The following EMC2 variants were observed in gnomAD, a reference collection of about 807,000 sequenced individuals.
EMC2 encodes the protein ER membrane protein complex subunit 2, also known as TPR repeat protein 35.
In EMC2, 37 loss-of-function variants were observed where a neutral mutation model predicts 51.6. That is an observed-to-expected ratio of 0.72 (90% CI 0.55 to 0.94). The LOEUF is 0.94. Ranked by LOEUF, EMC2 falls within the 40% of genes least tolerant of loss-of-function variation. EMC2 has a pLI of 0.00. For synonymous variants in EMC2, 131 were observed against 112.4 expected (o/e 1.17, Z -1.04); for missense variants, 359 against 350.9 (o/e 1.02, Z -0.18).
chr8:108,477,504 C>A (rs1442197060), intron 9 of EMC2, among the ~76,000 whole-genome samples: 1 of 151,978 alleles, frequency 6.6e-6, no homozygotes, highest in Admixed American at 6.6e-5. Context: ...GAGAAATAAA[C>A]TTTAATATTT....
chr8:108,452,482 G>A (rs1021887534), intron 3 of EMC2, among the ~76,000 whole-genome samples: 66 of 152,208 alleles, frequency 4.3e-4, no homozygotes, highest in African/African-American at 1.3e-3. Flanking sequence ...CAGGAGAATC[G>A]CTTGAACCCA....
chr8:108,450,140 G>T lies in EMC2; in HGVS notation c.154+204G>T, dbSNP rs61058973. ...TAGTAAGCTATCAAATAGGCATTTTGTTTTAAAGCTCACAGGGCTGCCAAA... is the reference window on the plus strand; with the variant it reads ...TAGTAAGCTATCAAATAGGCATTTTTTTTTAAAGCTCACAGGGCTGCCAAA... On this transcript the variant is annotated intron_variant, in intron 2 of 10. Transcript: ENST00000220853. Among the ~76,000 whole-genome samples, 921 of 152,228 alleles carry T rather than the reference G, an allele frequency of 6.1e-3. 10 individuals carry two copies. Among genetic ancestry groups the T allele is most frequent in the African/African-American group, 0.021 (877 of 41,544 alleles).
At position 108,487,651 on chromosome 8, in the gene EMC2, TAA is replaced by T. The variant is rs1310635984; in HGVS notation, c.*1057_*1058del. Among the ~76,000 whole-genome samples, 1 of 152,010 alleles carries T rather than the reference TAA, an allele frequency of 6.6e-6. No homozygotes were observed. The highest frequency in any genetic ancestry group is 1.9e-4 in the East Asian group (1 of 5,200). ...TAAATATATTTAAATTTATTTTTACTAAAAATATACAGAGGCATCTACAGACT... is the reference window on the plus strand; with the variant it reads ...TAAATATATTTAAATTTATTTTTACTAAATATACAGAGGCATCTACAGACT... On this transcript the variant is annotated 3_prime_UTR_variant, in exon 11 of 11. Coordinates refer to ENST00000220853, the MANE Select transcript of EMC2 (RefSeq NM_014673.5).
intron 5 of EMC2, among the ~76,000 whole-genome samples, chr8:108,460,542 C>A (rs1819293784): frequency 1.3e-5 from 2 of 152,136 alleles, no homozygotes; most frequent in Non-Finnish European, 2.9e-5. Flanking sequence ...AGTCAAAACA[C>A]AATGAAAACT....
intron 5 of EMC2, among the ~76,000 whole-genome samples, chr8:108,458,599 T>C (rs1293359044): frequency 6.6e-6 from 1 of 152,092 alleles, no homozygotes; most frequent in Non-Finnish European, 1.5e-5. Flanking sequence ...TCTGTGTTGG[T>C]CCCTTTCGGC....
At chr8:108,482,671 A>G (rs1047936234) in intron 10 of EMC2, among the ~76,000 whole-genome samples, 1 of 151,976 alleles carries the variant, frequency 6.6e-6, no homozygotes, top group African/African-American at 2.4e-5. Context: ...TACACCCTCA[A>G]CCACCCAGGT....
rs1448678886 is a variant in EMC2 at position 108,488,034 on chromosome 8, C to A, written c.*1436C>A. On this transcript the variant is annotated 3_prime_UTR_variant, in exon 11 of 11. Transcript: ENST00000220853. Reference sequence around the variant, plus strand: ...ACATTTTCTGTAAAGAAAATAGTGCCTGCACGTTGTTTCACTACCTTTTCC... The same window carrying A: ...ACATTTTCTGTAAAGAAAATAGTGCATGCACGTTGTTTCACTACCTTTTCC... Among the ~76,000 whole-genome samples, 1 of 152,110 alleles carries A rather than the reference C, an allele frequency of 6.6e-6. No homozygotes were observed. Among genetic ancestry groups the A allele is most frequent in the Non-Finnish European group, 1.5e-5 (1 of 68,014 alleles).
At chr8:108,486,391 T>A in intron 10 of EMC2, 121 bp from the exon 11 acceptor site, 1 of 1,310,696 alleles carries the variant, frequency 7.6e-7, no homozygotes, top group Non-Finnish European at 1.0e-6. Flanking sequence ...AGAATATATT[T>A]GATTTCCTAC....
chr8:108,448,695 G>A (rs1197447372), intron 1 of EMC2, among the ~76,000 whole-genome samples: 6 of 152,118 alleles, frequency 3.9e-5, no homozygotes, highest in Admixed American at 2.6e-4. Context: ...TCTCGGGTAC[G>A]TCTTTATCAG....
At position 108,449,764 on chromosome 8, in the gene EMC2, G is replaced by A. The variant is rs1356178525; in HGVS notation, c.41-59G>A. 3.3e-5 allele frequency: 22 copies of A among 676,792 alleles called. 1 individual carries two copies. The South Asian group carries it at 3.3e-4, about 10-fold the overall frequency. The allele number at this position is 676,792 out of a possible 1,614,324, so 41.9% of individuals were successfully genotyped here. On this transcript the variant is annotated intron_variant, in intron 1 of 10. Transcript: ENST00000220853. ...TCTTGTCAGGTTTTTGACATCTATC[G>A]GATGTGTATGTGTGTGTCTGGGTAC...
At position 108,461,203 on chromosome 8, in the gene EMC2, A is replaced by G. The variant is rs907573369; in HGVS notation, c.363+5273A>G. 2.2e-4 allele frequency among the ~76,000 whole-genome samples: 34 copies of G among 152,244 alleles called. 1 individual carries two copies. The highest frequency in any genetic ancestry group is 2.0e-3 in the Admixed American group (31 of 15,304). Reference sequence around the variant, plus strand: ...TGCATTGTTGAAAAGTGATCACGTGACCTTTTATTTGTCTTATGCCTCTGT... The same window carrying G: ...TGCATTGTTGAAAAGTGATCACGTGGCCTTTTATTTGTCTTATGCCTCTGT... On this transcript the variant is annotated intron_variant, in intron 5 of 10. Transcript: ENST00000220853.
chr8:108,463,363 ATG>A (rs1026389783), intron 5 of EMC2, among the ~76,000 whole-genome samples: 1 of 152,018 alleles, frequency 6.6e-6, no homozygotes, highest in Non-Finnish European at 1.5e-5. Flanking sequence ...TTTATTTTTT[ATG>A]TTACTCAAGT....
At chr8:108,465,374 C>T (rs1232481469) in intron 5 of EMC2, among the ~76,000 whole-genome samples, 1 of 152,178 alleles carries the variant, frequency 6.6e-6, no homozygotes, top group African/African-American at 2.4e-5. Flanking sequence ...CCTTTATGCT[C>T]ACTCCAAAGT....
intron 1 of EMC2, 28 bp downstream of exon 1, chr8:108,443,726 A>G: frequency 1.9e-6 from 3 of 1,595,376 alleles, no homozygotes; most frequent in Non-Finnish European, 2.6e-6. Context: ...CGGGTGCGGA[A>G]AGACTAAAAG....
At chr8:108,462,201 T>C (rs1279928349) in intron 5 of EMC2, among the ~76,000 whole-genome samples, 1 of 145,642 alleles carries the variant, frequency 6.9e-6, no homozygotes, top group East Asian at 2.0e-4. Context: ...TTTGTGTGCA[T>C]GTGTGTGTGT....
At chr8:108,456,001 T>TAGAG in intron 5 of EMC2, 71 bp downstream of exon 5, 1 of 573,844 alleles carries the variant, frequency 1.7e-6, no homozygotes. Flanking sequence ...GAGGAAATAA[T>TAGAG]AGATACATAA....
At chr8:108,466,485 C>T (rs1045935724) in intron 5 of EMC2, among the ~76,000 whole-genome samples, 1 of 115,544 alleles carries the variant, frequency 8.7e-6, no homozygotes, top group Non-Finnish European at 1.6e-5. Context: ...CAGGATCTCG[C>T]TCTGTTGCCC....
intron 1 of EMC2, among the ~76,000 whole-genome samples, chr8:108,444,137 G>C (rs890371503): frequency 6.6e-6 from 1 of 152,212 alleles, no homozygotes; most frequent in Non-Finnish European, 1.5e-5. Context: ...CAGAAAAGCT[G>C]TGTAAAAGAT....
chr8:108,456,373 A>G (rs978759300), intron 5 of EMC2, among the ~76,000 whole-genome samples: 5 of 151,118 alleles, frequency 3.3e-5, no homozygotes, highest in Non-Finnish European at 7.4e-5. Flanking sequence ...AACTTCTAGA[A>G]GATACCGTAT....
Sources: allele counts gnomAD v4.1 joint callset (sites outside exome capture counted in the v4.1 genomes callset), GRCh38; gene constraint gnomAD v4.1.1; transcripts MANE v1.5; gene names NCBI Gene and HGNC (gene_info 2026-07-23, HGNC 2026-07-21).